The following SESTD1 variants were observed in gnomAD, a reference collection of about 807,000 sequenced individuals.
The protein encoded by SESTD1 is SEC14 and spectrin domain containing 1.
SESTD1 carries 43 observed loss-of-function variants against 101.7 expected under a neutral mutation model. The observed-to-expected ratio is 0.42, with a 90% CI of 0.33 to 0.55. The LOEUF (loss-of-function observed/expected upper bound fraction) is 0.55, where lower values mean the gene tolerates loss of function less well. Among genes scored for constraint, SESTD1 ranks in the 20% least tolerant of loss-of-function variants. SESTD1 has a pLI of 0.07. For missense variants in SESTD1, 647 were observed against 815.1 expected (o/e 0.79, Z 2.51); for synonymous variants, 283 against 286.8 (o/e 0.99, Z 0.13).
chr2:179,110,089 T>C (rs1478583348), intron 17 of SESTD1, 61 bp from the exon 18 acceptor site: 4 of 1,557,012 alleles, frequency 2.6e-6, no homozygotes, highest in East Asian at 2.3e-5. Flanking sequence ...CTGCAGTGAA[T>C]ACAAATAGAA....
intron 1 of SESTD1, among the ~76,000 whole-genome samples, chr2:179,201,936 A>AATAATAATG (rs1553525553): frequency 0.011 from 1,342 of 126,780 alleles, 296 homozygotes; most frequent in African/African-American, 0.039. Context: ...TAATAATAAT[A>AATAATAATG]ATAATAATAA....
Position 179,112,858 on chromosome 2 carries a change from A to G in SESTD1, c.1840-13T>C. On this transcript the variant is annotated splice_polypyrimidine_tract_variant and intron_variant, in intron 16 of 17. Coordinates refer to ENST00000428443, the MANE Select transcript of SESTD1 (RefSeq NM_178123.5). ...AGTCCTGCAAAATCTGCAACAAATA[A>G]AAGAGCAACATCAATCAAGAGACAC... 1 of 1,604,554 alleles carries G rather than the reference A, an allele frequency of 6.2e-7. No homozygotes were observed. Among genetic ancestry groups the G allele is most frequent in the East Asian group, 2.2e-5 (1 of 44,772 alleles).
At chr2:179,128,089 C>T (rs1212057981) in intron 10 of SESTD1, among the ~76,000 whole-genome samples, 2 of 152,204 alleles carry the variant, frequency 1.3e-5, no homozygotes, top group African/African-American at 4.8e-5. Context: ...CTAAGCTTCA[C>T]TCCTGACTTA....
rs957067826 is a variant in SESTD1, at chr2:179,107,075, A to G, written c.*2824T>C. ...GGTTGTGACATATATACCAATTACA[A>G]ATGAGTGGTTCTTTCAGAGACTTGC... On this transcript the variant is annotated 3_prime_UTR_variant, in exon 18 of 18. Transcript: ENST00000428443. The G allele has an allele frequency of 1.3e-5, 2 of 152,178 alleles. No homozygotes were observed. Among genetic ancestry groups the G allele is most frequent in the South Asian group, 4.1e-4 (2 of 4,834 alleles). 9.4% of individuals were successfully genotyped at this position (152,178 alleles called of 1,614,324 possible).
chr2:179,245,515 C>CAAAAAA (rs59103658), intron 1 of SESTD1, among the ~76,000 whole-genome samples: 1 of 45,198 alleles, frequency 2.2e-5, no homozygotes, highest in Non-Finnish European at 4.5e-5. Flanking sequence ...GACTCTGTCT[C>CAAAAAA]AAAAAAAAAA....
At chr2:179,122,378 A>G (rs921239480) in intron 12 of SESTD1, among the ~76,000 whole-genome samples, 56 of 152,222 alleles carry the variant, frequency 3.7e-4, no homozygotes. Context: ...TGTATCATCA[A>G]TGTCAAAGGA....
chr2:179,261,571 T>C (rs1040103728), intron 1 of SESTD1, among the ~76,000 whole-genome samples: 1 of 152,022 alleles, frequency 6.6e-6, no homozygotes, highest in African/African-American at 2.4e-5. Context: ...GAAATACAAA[T>C]GAAAATCACA....
chr2:179,155,212 G>A (rs561311223), intron 5 of SESTD1, among the ~76,000 whole-genome samples: 3 of 151,846 alleles, frequency 2.0e-5, no homozygotes, highest in Non-Finnish European at 2.9e-5. Context: ...CATCGCATCC[G>A]GCCCACAACT....
intron 16 of SESTD1, among the ~76,000 whole-genome samples, chr2:179,114,499 A>G (rs1266684627): frequency 1.3e-5 from 2 of 152,230 alleles, no homozygotes; most frequent in African/African-American, 2.4e-5. Flanking sequence ...AGTTCTATTG[A>G]AAATGTGTCC....
intron 2 of SESTD1, among the ~76,000 whole-genome samples, chr2:179,184,770 A>C (rs771842068): frequency 2.0e-5 from 3 of 152,176 alleles, no homozygotes; most frequent in Admixed American, 2.0e-4. Flanking sequence ...CATTAAGCCA[A>C]GCCCCAAAAA....
At chr2:179,226,157 T>C (rs191121453) in intron 1 of SESTD1, among the ~76,000 whole-genome samples, 6 of 152,340 alleles carry the variant, frequency 3.9e-5, no homozygotes, top group Admixed American at 3.3e-4. Context: ...TTTAGCAATA[T>C]TTTTATTTCA....
chr2:179,185,629 T>C (rs2046206598), intron 2 of SESTD1, among the ~76,000 whole-genome samples: 3 of 128,370 alleles, frequency 2.3e-5, no homozygotes, highest in South Asian at 4.6e-4. Flanking sequence ...ATACAATATA[T>C]AATATAGCAT....
At chr2:179,243,307 TG>T (rs2047181908) in intron 1 of SESTD1, among the ~76,000 whole-genome samples, 1 of 152,136 alleles carries the variant, frequency 6.6e-6, no homozygotes, top group Non-Finnish European at 1.5e-5. Flanking sequence ...ATACTGTTAG[TG>T]GGAATGTAAA....
chr2:179,174,134 T>C (rs979221143), intron 4 of SESTD1, among the ~76,000 whole-genome samples: 10 of 152,180 alleles, frequency 6.6e-5, no homozygotes, highest in Non-Finnish European at 1.0e-4. Flanking sequence ...TTCAAAATCA[T>C]TGAATATGAA....
intron 2 of SESTD1, among the ~76,000 whole-genome samples, chr2:179,185,304 A>G (rs2046192006): frequency 6.7e-6 from 1 of 149,350 alleles, no homozygotes; most frequent in Admixed American, 6.8e-5. Flanking sequence ...CATCATTCAT[A>G]TCAGAGTATA....
rs550172102 is a variant in SESTD1, at chr2:179,212,162, C to G, written c.-25-20296G>C. On this transcript the variant is annotated intron_variant, in intron 1 of 17. Transcript: ENST00000428443. ...GGGACTGGCTGGACAGTCAGTGTAG[C>G]ACATGGAGGGCAAGCCGAAGCAGGG... is the stretch of plus-strand genomic sequence containing the variant. Among the ~76,000 whole-genome samples the G allele has an allele frequency of 3.7e-5, 5 of 134,318 alleles. No individual in the cohort carries two copies. The East Asian group carries it at 8.1e-4, about 22-fold the overall frequency. The allele number at this position is 134,318 out of a possible 152,430, so 88.1% of individuals were successfully genotyped here.
chr2:179,234,529 G>A (rs1245013804), intron 1 of SESTD1, among the ~76,000 whole-genome samples: 1 of 152,186 alleles, frequency 6.6e-6, no homozygotes, highest in Non-Finnish European at 1.5e-5. Flanking sequence ...TGCAATCCCA[G>A]CACTTTGTGG....
intron 16 of SESTD1, among the ~76,000 whole-genome samples, chr2:179,113,865 CA>C (rs778424702): frequency 6.1e-3 from 555 of 90,384 alleles, no homozygotes; most frequent in Middle Eastern, 0.016. Context: ...GACTCTGTCT[CA>C]AAAAAAAAAA....
chr2:179,222,232 T>G (rs549837479), intron 1 of SESTD1, among the ~76,000 whole-genome samples: 1 of 152,112 alleles, frequency 6.6e-6, no homozygotes, highest in Non-Finnish European at 1.5e-5. Flanking sequence ...TAAAGTTTAG[T>G]GCAGTGGCAA....
Sources: allele counts gnomAD v4.1 joint callset (sites outside exome capture counted in the v4.1 genomes callset), GRCh38; gene constraint gnomAD v4.1.1; transcripts MANE v1.5; gene names NCBI Gene and HGNC (gene_info 2026-07-23, HGNC 2026-07-21).